Variants in WSB2 observed in about 807,000 individuals in gnomAD.
WSB2 encodes WD repeat and SOCS box-containing protein 2.
In WSB2, 12 loss-of-function variants were observed where a neutral mutation model predicts 48.8. The ratio of observed to expected loss-of-function variants is 0.25; its 90% confidence interval spans 0.16 to 0.40. The LOEUF (loss-of-function observed/expected upper bound fraction) is 0.40, where lower values mean the gene tolerates loss of function less well. Among genes scored for constraint, WSB2 ranks in the 10% least tolerant of loss-of-function variants. WSB2 has a pLI of 1.00. For missense variants in WSB2, 317 were observed against 506.2 expected (o/e 0.63, Z 3.59); for synonymous variants, 191 against 203.1 (o/e 0.94, Z 0.51).
In WSB2 at chr12:118,040,156, C is replaced by T. The variant is rs527572324; in HGVS notation, c.560-1768G>A. ...GCATTGCACTCCAGCCCATGCAACA[C>T]AGTGAGACTCTGTCTCAAAAAATAA... On this transcript the variant is annotated intron_variant, in intron 4 of 8. Transcript: ENST00000315436. 1.2e-3 allele frequency among the ~76,000 whole-genome samples: 179 copies of T among 152,168 alleles called. 1 individual carries two copies. The highest frequency in any genetic ancestry group is 4.1e-3 in the African/African-American group (170 of 41,532).
At chr12:118,039,737 C>A (rs776059314) in intron 4 of WSB2, among the ~76,000 whole-genome samples, 96 of 151,710 alleles carry the variant, frequency 6.3e-4, no homozygotes, top group African/African-American at 2.1e-3. Context: ...ATTAATATTT[C>A]TTTTTTATTT....
chr12:118,061,318 C>A (rs1325028616), upstream of WSB2: 1 of 456,848 alleles, frequency 2.2e-6, no homozygotes, highest in Non-Finnish European at 2.7e-6. Context: ...GGTACGCTGA[C>A]GGGATAAAAG....
At chr12:118,054,681 AAAT>A (rs57072102) in intron 1 of WSB2, among the ~76,000 whole-genome samples, 5,206 of 130,556 alleles carry the variant, frequency 0.04, 261 homozygotes, top group African/African-American at 0.13. Context: ...CTGTCTCAAA[AAAT>A]AATAATAATA....
In WSB2 at chr12:118,060,526, G is replaced by C. The variant is rs531814826; in HGVS notation, c.13+510C>G. On this transcript the variant is annotated intron_variant, in intron 1 of 8. Coordinates refer to ENST00000315436, the MANE Select transcript of WSB2 (RefSeq NM_018639.5). This position sits in a 1 kb window ranked among gnomAD's most constrained non-coding sequence, Gnocchi z 4.1. ...CGGGTCCCAGCCACCCTCCGAGGAAGGTACTAGGATTATCCCATTTTGCAG... is the reference window on the plus strand; with the variant it reads ...CGGGTCCCAGCCACCCTCCGAGGAACGTACTAGGATTATCCCATTTTGCAG... 6.6e-6 allele frequency among the ~76,000 whole-genome samples: 1 copy of C among 152,174 alleles called. No homozygotes were observed. The highest frequency in any genetic ancestry group is 1.9e-4 in the East Asian group (1 of 5,176).
At chr12:118,038,719 C>T (rs1439996380) in intron 4 of WSB2, among the ~76,000 whole-genome samples, 1 of 152,106 alleles carries the variant, frequency 6.6e-6, no homozygotes, top group Non-Finnish European at 1.5e-5. Context: ...CTTGCTCTGT[C>T]TCCCAGACTA....
chr12:118,045,045 A>T (rs1376975360), intron 2 of WSB2, among the ~76,000 whole-genome samples: 1 of 152,152 alleles, frequency 6.6e-6, no homozygotes, highest in African/African-American at 2.4e-5. Flanking sequence ...ATTCTAAGTA[A>T]ATCACATTTT....
At chr12:118,036,674 A>G (rs936415357) in intron 5 of WSB2, among the ~76,000 whole-genome samples, 164 bp from the exon 6 acceptor site, 3 of 152,176 alleles carry the variant, frequency 2.0e-5, no homozygotes, top group African/African-American at 7.2e-5. Flanking sequence ...AGGTTTAAAT[A>G]AGGCAACTGG....
At chr12:118,035,722 T>C (rs2031495580) in intron 6 of WSB2, 1 of 184,890 alleles carries the variant, frequency 5.4e-6, no homozygotes, top group Admixed American at 5.4e-5. Context: ...AAACTCATTT[T>C]GGAAAGCACA....
At position 118,033,491 on chromosome 12, in the gene WSB2, A is replaced by C. The variant is rs1464202677; in HGVS notation, c.*705T>G. On this transcript the variant is annotated 3_prime_UTR_variant, in exon 9 of 9. Transcript: ENST00000315436. ...GAATAGTCATGCGGTTTAAGAATAC[A>C]TCCTTGTATAATCTGACATACAAAT... 1 of 152,170 alleles carries C rather than the reference A, an allele frequency of 6.6e-6. No individual in the cohort carries two copies. Among genetic ancestry groups the C allele is most frequent in the Non-Finnish European group, 1.5e-5 (1 of 67,998 alleles). 9.4% of individuals were successfully genotyped at this position (152,170 alleles called of 1,614,324 possible). A position where few individuals can be genotyped will look rare whatever the true frequency, so the allele number is the denominator to read the frequency against.
intron 1 of WSB2, among the ~76,000 whole-genome samples, chr12:118,056,085 C>A (rs901021972): frequency 6.6e-5 from 10 of 152,226 alleles, no homozygotes; most frequent in Non-Finnish European, 8.8e-5. Flanking sequence ...TCCCCTCTAG[C>A]CCCGCACCAT....
At chr12:118,061,255 G>C, upstream of WSB2, 1 of 922,924 alleles carries the variant, frequency 1.1e-6, no homozygotes, top group Non-Finnish European at 1.3e-6. Context: ...GGGTGCGGAC[G>C]GGATAAAAAC....
At position 118,038,288 on chromosome 12, in the gene WSB2, C is replaced by T. The variant is rs1188127984; in HGVS notation, c.660G>A (p.Ser220=). 2 of 1,612,714 alleles carry T rather than the reference C, an allele frequency of 1.2e-6. No individual in the cohort carries two copies. The highest frequency in any genetic ancestry group is 8.5e-7 in the Non-Finnish European group (1 of 1,179,540). ...SMLCSAAGEK[S]VFLWSMRSYT... is the part of the protein sequence containing the mutation. ...TAAAGCAATAACGCTGGAGACTCAC[C>T]GACTTCTCTCCAGCTGCAGAGCACA... The change falls in exon 5 of 9, where the codon TCG becomes TCA. Residue 220 remains serine, a splice_region_variant and synonymous_variant. Coordinates refer to ENST00000315436, the MANE Select transcript of WSB2 (RefSeq NM_018639.5).
chr12:118,037,421 CTT>C (rs1003285959), intron 5 of WSB2, among the ~76,000 whole-genome samples: 1 of 152,102 alleles, frequency 6.6e-6, no homozygotes, highest in African/African-American at 2.4e-5. Context: ...AATCCCAGCA[CTT>C]TGGGAGGCCC....
intron 2 of WSB2, among the ~76,000 whole-genome samples, chr12:118,051,370 C>T (rs1007687707): frequency 6.6e-6 from 1 of 152,148 alleles, no homozygotes; most frequent in Non-Finnish European, 1.5e-5. Context: ...AACATGAAAA[C>T]AACCCAATGT....
chr12:118,053,243 C>A (rs1245475519), intron 1 of WSB2, among the ~76,000 whole-genome samples: 1 of 152,180 alleles, frequency 6.6e-6, no homozygotes, highest in African/African-American at 2.4e-5. Flanking sequence ...ATCGGTCCAA[C>A]CTCCTTCCCT....
At chr12:118,043,500 A>T in intron 2 of WSB2, 123 bp from the exon 3 acceptor site, 1 of 1,432,956 alleles carries the variant, frequency 7.0e-7, no homozygotes, top group Non-Finnish European at 9.3e-7. Flanking sequence ...GCTGGCGTAC[A>T]GTGACACAAT....
chr12:118,052,918 G>A lies in WSB2; in HGVS notation c.14-440C>T, dbSNP rs371401263. On this transcript the variant is annotated intron_variant, in intron 1 of 8. Coordinates refer to ENST00000315436, the MANE Select transcript of WSB2 (RefSeq NM_018639.5). ...GAAACTCAAAGGCTCCCTCTCACTC[G>A]CCTGCATCCTCCCCATCATCAAGGC... Among the ~76,000 whole-genome samples the A allele has an allele frequency of 6.6e-4, 100 of 152,124 alleles. 1 individual carries two copies. The South Asian group carries it at 0.021, about 31-fold the overall frequency.
At position 118,060,614 on chromosome 12, in the gene WSB2, T is replaced by C. The variant is rs2032043113; in HGVS notation, c.13+422A>G. 6.6e-6 allele frequency among the ~76,000 whole-genome samples: 1 copy of C among 151,934 alleles called. No individual in the cohort carries two copies. Among genetic ancestry groups the C allele is most frequent in the African/African-American group, 2.4e-5 (1 of 41,384 alleles). Reference sequence around the variant, plus strand: ...TTGTCCACTGTCACGATCACACAGCTTGTGAGGGACAGAGGTGACTCCCAT... The same window carrying C: ...TTGTCCACTGTCACGATCACACAGCCTGTGAGGGACAGAGGTGACTCCCAT... On this transcript the variant is annotated intron_variant, in intron 1 of 8. Coordinates refer to ENST00000315436, the MANE Select transcript of WSB2 (RefSeq NM_018639.5). This position sits in a 1 kb window ranked among gnomAD's most constrained non-coding sequence, Gnocchi z 4.1.
intron 2 of WSB2, among the ~76,000 whole-genome samples, chr12:118,043,717 G>T (rs1298050885): frequency 6.6e-6 from 1 of 152,102 alleles, no homozygotes; most frequent in African/African-American, 2.4e-5. Flanking sequence ...AAAGTGCTGG[G>T]ATTACTGGCA....
Sources: allele counts gnomAD v4.1 joint callset (sites outside exome capture counted in the v4.1 genomes callset), GRCh38; gene constraint gnomAD v4.1.1; non-coding constraint Gnocchi (gnomAD v3.1); transcripts MANE v1.5; gene names NCBI Gene and HGNC (gene_info 2026-07-23, HGNC 2026-07-21).